Variants in TMPRSS11D observed in about 807,000 individuals in gnomAD.
The protein encoded by TMPRSS11D is transmembrane protease serine 11D.
A neutral mutation model predicts 44.4 loss-of-function variants in TMPRSS11D; 32 were observed. The ratio of observed to expected loss-of-function variants is 0.72; its 90% CI spans 0.54 to 0.97. The LOEUF (loss-of-function observed/expected upper bound fraction) is 0.97. TMPRSS11D is among the 50% of genes least tolerant of loss of function. The pLI is 0.00. For synonymous variants in TMPRSS11D, 179 were observed against 177.9 expected (o/e 1.01, Z -0.05); for missense variants, 446 against 502.6 (o/e 0.89, Z 1.08).
intron 1 of TMPRSS11D, among the ~76,000 whole-genome samples, chr4:67,861,761 A>T (rs1718795930): frequency 6.6e-6 from 1 of 152,098 alleles, no homozygotes; most frequent in African/African-American, 2.4e-5. Context: ...CTCAACAAAC[A>T]AAGGGTGTGG....
intron 9 of TMPRSS11D, among the ~76,000 whole-genome samples, chr4:67,824,707 A>G (rs1336828790): frequency 2.0e-5 from 3 of 152,106 alleles, no homozygotes; most frequent in African/African-American, 7.2e-5. Context: ...CCACTTTTTA[A>G]AGACCATGAG....
chr4:67,870,277 T>C (rs2109698879), intron 1 of TMPRSS11D, among the ~76,000 whole-genome samples: 1 of 152,342 alleles, frequency 6.6e-6, no homozygotes, highest in East Asian at 1.9e-4. Context: ...GTTCCATATC[T>C]CGTTAAGTCT....
At chr4:67,864,143 A>T (rs747592669) in intron 1 of TMPRSS11D, among the ~76,000 whole-genome samples, 4 of 152,006 alleles carry the variant, frequency 2.6e-5, no homozygotes, top group Non-Finnish European at 4.4e-5. Flanking sequence ...TATCAAGAGA[A>T]AAAAGCGCAT....
chr4:67,870,712 G>A (rs1719037233), intron 1 of TMPRSS11D, among the ~76,000 whole-genome samples: 1 of 144,432 alleles, frequency 6.9e-6, no homozygotes, highest in Admixed American at 6.9e-5. Context: ...TACTCAGGAG[G>A]CTGAGGCAGG....
chr4:67,883,124 C>A (rs1577837615), intron 1 of TMPRSS11D, among the ~76,000 whole-genome samples: 1 of 151,890 alleles, frequency 6.6e-6, no homozygotes, highest in African/African-American at 2.4e-5. Context: ...AAAATAAATT[C>A]AGCTGCACTT....
At chr4:67,849,311 G>T (rs1718437662) in intron 3 of TMPRSS11D, among the ~76,000 whole-genome samples, 1 of 152,158 alleles carries the variant, frequency 6.6e-6, no homozygotes, top group Non-Finnish European at 1.5e-5. Flanking sequence ...GCCATGTAAG[G>T]ATATCAAGCT....
rs576397378 is a variant in TMPRSS11D, at chr4:67,861,629, G to GA, written c.9-1952dup. 2.8e-3 allele frequency among the ~76,000 whole-genome samples: 424 copies of GA among 152,194 alleles called. 4 individuals are homozygous for GA. The highest frequency in any genetic ancestry group is 9.8e-3 in the African/African-American group (409 of 41,540). On this transcript the variant is annotated intron_variant, in intron 1 of 9. Transcript: ENST00000283916. ...TCCAAAAAAAGAAATCAAAAGGCTA[G>GA]AGTCAATATGTGCTTTAACTTGGAT...
At chr4:67,859,770 C>A (rs1216690779) in intron 1 of TMPRSS11D, 92 bp from the exon 2 acceptor site, 16 of 1,512,566 alleles carry the variant, frequency 1.1e-5, no homozygotes, top group Non-Finnish European at 1.4e-5. Context: ...CTTTCCCGGT[C>A]TCTTATCTGG....
Position 67,859,828 on chromosome 4 carries a change from T to A in TMPRSS11D, c.9-150A>T, listed in dbSNP as rs894161935. On this transcript the variant is annotated intron_variant, in intron 1 of 9. Coordinates refer to ENST00000283916, the MANE Select transcript of TMPRSS11D (RefSeq NM_004262.3). ...CATATTCGTAGATATGAAACTGAAC[T>A]TAACAAGGCTGTCCGTAGTGGTTTT... 12 of 1,075,454 alleles carry A rather than the reference T, an allele frequency of 1.1e-5. No homozygotes were observed. In the African/African-American group the frequency reaches 1.9e-4, roughly 17 times the overall value. The allele number at this position is 1,075,454 out of a possible 1,614,324, so 66.6% of individuals were successfully genotyped here. A position where few individuals can be genotyped will look rare whatever the true frequency, so the allele number is the denominator to read the frequency against.
intron 1 of TMPRSS11D, among the ~76,000 whole-genome samples, chr4:67,865,994 A>G (rs777357833): frequency 2.6e-5 from 4 of 151,992 alleles, no homozygotes; most frequent in Non-Finnish European, 4.4e-5. Context: ...AACTCATTCT[A>G]TGACTCCAGT....
intron 1 of TMPRSS11D, among the ~76,000 whole-genome samples, chr4:67,861,280 A>G (rs567351121): frequency 6.6e-5 from 10 of 152,238 alleles, no homozygotes; most frequent in Non-Finnish European, 1.5e-4. Flanking sequence ...GAAAACTGTC[A>G]CTTTGACATT....
At position 67,835,548 on chromosome 4, in the gene TMPRSS11D, A is replaced by C. The variant is rs546320680; in HGVS notation, c.476-427T>G. ...TACTCTAATGATACCACTCTATAAT[A>C]AGTGCTGCAGATTTAACTGCGAGCA... is the stretch of plus-strand genomic sequence containing the variant. On this transcript the variant is annotated intron_variant, in intron 5 of 9. Coordinates refer to ENST00000283916, the MANE Select transcript of TMPRSS11D (RefSeq NM_004262.3). 2.0e-5 allele frequency among the ~76,000 whole-genome samples: 3 copies of C among 152,286 alleles called. No individual in the cohort carries two copies. The East Asian group carries it at 5.8e-4, about 29-fold the overall frequency.
At chr4:67,828,166 T>C (rs1166001782) in intron 7 of TMPRSS11D, among the ~76,000 whole-genome samples, 1 of 152,026 alleles carries the variant, frequency 6.6e-6, no homozygotes, top group Non-Finnish European at 1.5e-5. Context: ...GATAAACTCA[T>C]ACTAACTTGT....
intron 1 of TMPRSS11D, among the ~76,000 whole-genome samples, chr4:67,861,666 G>A (rs1023503823): frequency 1.3e-5 from 2 of 152,040 alleles, no homozygotes; most frequent in Non-Finnish European, 2.9e-5. Flanking sequence ...AGCCTCCCAC[G>A]GGAATAACAT....
chr4:67,866,445 A>C (rs1718928494), intron 1 of TMPRSS11D, among the ~76,000 whole-genome samples: 1 of 152,074 alleles, frequency 6.6e-6, no homozygotes, highest in African/African-American at 2.4e-5. Context: ...CAAGGCAAGG[A>C]TGACCACTTT....
intron 2 of TMPRSS11D, among the ~76,000 whole-genome samples, chr4:67,855,160 CAGG>C (rs1178150197): frequency 6.7e-6 from 1 of 150,208 alleles, no homozygotes; most frequent in Non-Finnish European, 1.5e-5. Flanking sequence ...GAGGCTGAGG[CAGG>C]AGAATTGCTT....
intron 3 of TMPRSS11D, among the ~76,000 whole-genome samples, chr4:67,853,799 A>G (rs943046507): frequency 6.6e-6 from 1 of 152,230 alleles, no homozygotes; most frequent in African/African-American, 2.4e-5. Flanking sequence ...TAAACAAATA[A>G]AAAACTTTTA....
chr4:67,830,593 T>C (rs569552411), intron 7 of TMPRSS11D, among the ~76,000 whole-genome samples: 1 of 152,064 alleles, frequency 6.6e-6, no homozygotes, highest in Non-Finnish European at 1.5e-5. Flanking sequence ...AGAAAAAATA[T>C]TAGAAAACAA....
Position 67,854,194 on chromosome 4 carries a change from A to G in TMPRSS11D, c.131-8T>C, listed in dbSNP as rs1718577900. The G allele has an allele frequency of 2.2e-6, 3 of 1,364,772 alleles. No homozygotes were observed. The highest frequency in any genetic ancestry group is 3.1e-6 in the Non-Finnish European group (3 of 970,550). The allele number at this position is 1,364,772 out of a possible 1,614,324, so 84.5% of individuals were successfully genotyped here. On this transcript the variant is annotated splice_region_variant and splice_polypyrimidine_tract_variant and intron_variant, in intron 2 of 9. Transcript: ENST00000283916. ...AAAAGTAAGATTTTTGATCTGAAAA[A>G]GAAATAAAAGGGAAGGTCAGTCTTA...
Sources: allele counts gnomAD v4.1 joint callset (sites outside exome capture counted in the v4.1 genomes callset), GRCh38; gene constraint gnomAD v4.1.1; transcripts MANE v1.5; gene names NCBI Gene and HGNC (gene_info 2026-07-23, HGNC 2026-07-21).